The following CSGALNACT1 variants were observed in gnomAD, a reference collection of about 807,000 sequenced individuals.
The protein encoded by CSGALNACT1 is beta4GalNAcT-1.
Under a neutral mutation model 51.0 loss-of-function variants are expected in CSGALNACT1, and 52 were observed. The observed-to-expected ratio is 1.02, with a 90% CI of 0.82 to 1.29. CSGALNACT1 has a LOEUF of 1.29. Among genes scored for constraint, CSGALNACT1 ranks in the 50% most tolerant of loss-of-function variants. The pLI is 0.00. For missense variants in CSGALNACT1, 935 were observed against 679.2 expected (o/e 1.38, Z -4.19); for synonymous variants, 341 against 254.4 (o/e 1.34, Z -3.24).
At chr8:19,599,500 G>GAAAGAAAGAAAGAAAGAAAC (rs2049866634) in intron 2 of CSGALNACT1, among the ~76,000 whole-genome samples, 1 of 123,932 alleles carries the variant, frequency 8.1e-6, no homozygotes, top group Non-Finnish European at 1.7e-5. Flanking sequence ...AAGAAAGAAA[G>GAAAGAAAGAAAGAAAGAAAC]AAAGAAAGAA....
chr8:19,480,446 C>A (rs2071046314), intron 4 of CSGALNACT1, among the ~76,000 whole-genome samples: 1 of 152,154 alleles, frequency 6.6e-6, no homozygotes, highest in Non-Finnish European at 1.5e-5. Context: ...AGGACATGAT[C>A]TTGTGCTTTT....
intron 1 of CSGALNACT1, among the ~76,000 whole-genome samples, chr8:19,620,314 CAAAAAAA>C (rs35145827): frequency 3.1e-5 from 2 of 64,744 alleles, no homozygotes; most frequent in South Asian, 6.6e-4. Flanking sequence ...GACTCTGTCT[CAAAAAAA>C]AAAAAAAAAA....
chr8:19,446,563 C>A (rs1240766518), intron 5 of CSGALNACT1, among the ~76,000 whole-genome samples: 1 of 152,076 alleles, frequency 6.6e-6, no homozygotes, highest in East Asian at 1.9e-4. Context: ...GCTCTCTCAC[C>A]CAGGCAACGG....
intron 1 of CSGALNACT1, among the ~76,000 whole-genome samples, chr8:19,700,851 C>T (rs532620975): frequency 7.2e-5 from 11 of 152,270 alleles, no homozygotes; most frequent in African/African-American, 1.9e-4. Context: ...ATATCATATC[C>T]ATCCTTCCCT....
rs188605125 is a variant in CSGALNACT1, at chr8:19,597,403, C to A, written c.-416+4368G>T. Among the ~76,000 whole-genome samples, 1,004 of 151,216 alleles carry A rather than the reference C, an allele frequency of 6.6e-3. 31 individuals carry two copies. Among genetic ancestry groups the A allele is most frequent in the Admixed American group, 0.06 (907 of 15,168 alleles). Reference sequence around the variant, plus strand: ...CTCAGTCTCCTGGGCTCAAGCAATCCTCCCGCCTTTGCTCCCAAGTAGCTG... The same window carrying A: ...CTCAGTCTCCTGGGCTCAAGCAATCATCCCGCCTTTGCTCCCAAGTAGCTG... On this transcript the variant is annotated intron_variant, in intron 2 of 9. Transcript: ENST00000454498.
At chr8:19,641,711 C>T (rs139974596) in intron 1 of CSGALNACT1, 2 of 152,234 alleles carry the variant, frequency 1.3e-5, no homozygotes, top group African/African-American at 4.8e-5. Context: ...AATGCATTTA[C>T]AAAACACACA....
intron 5 of CSGALNACT1, among the ~76,000 whole-genome samples, chr8:19,440,436 C>G (rs1344521337): frequency 6.6e-6 from 1 of 151,568 alleles, no homozygotes; most frequent in Non-Finnish European, 1.5e-5. Flanking sequence ...TAAATGTAAT[C>G]CAGCATATAA....
At chr8:19,457,692 C>G (rs1377238627) in intron 5 of CSGALNACT1, 1 of 1,315,860 alleles carries the variant, frequency 7.6e-7, no homozygotes. Flanking sequence ...TTAAAACAAG[C>G]TGGTGAAATC....
intron 6 of CSGALNACT1, among the ~76,000 whole-genome samples, chr8:19,422,863 A>G (rs891636863): frequency 1.3e-5 from 2 of 152,332 alleles, no homozygotes; most frequent in African/African-American, 4.8e-5. Flanking sequence ...CTGTTCATCT[A>G]AAGGCACCTG....
At chr8:19,738,994 A>G (rs2064150833) in intron 1 of CSGALNACT1, among the ~76,000 whole-genome samples, 1 of 152,118 alleles carries the variant, frequency 6.6e-6, no homozygotes, top group Non-Finnish European at 1.5e-5. Flanking sequence ...ATCAAACAAA[A>G]AGAGATACTT....
intron 1 of CSGALNACT1, among the ~76,000 whole-genome samples, chr8:19,640,992 C>A (rs2056670877): frequency 1.3e-5 from 2 of 151,888 alleles, no homozygotes; most frequent in Non-Finnish European, 2.9e-5. Context: ...TCAGACTGAT[C>A]CTGTGAGACT....
At chr8:19,404,741 C>T (rs548585269) in exon 10 of CSGALNACT1, 165 of 454,454 alleles carry the variant, frequency 3.6e-4, no homozygotes, top group African/African-American at 3.2e-3. Flanking sequence ...AGAAAGCGGT[C>T]CCTACTTCTG....
chr8:19,746,259 C>A (rs1157006837), intron 1 of CSGALNACT1, among the ~76,000 whole-genome samples: 2 of 152,010 alleles, frequency 1.3e-5, no homozygotes, highest in Non-Finnish European at 2.9e-5. Context: ...ACTGTCTGTT[C>A]ATCTATGTAA....
At chr8:19,414,594 T>TAC (rs10555160) in intron 8 of CSGALNACT1, among the ~76,000 whole-genome samples, 9,048 of 150,682 alleles carry the variant, frequency 0.06, 333 homozygotes, top group Non-Finnish European at 0.089. Flanking sequence ...AACACACACA[T>TAC]ACACACACAC....
chr8:19,603,844 T>C (rs918264538), upstream of CSGALNACT1, among the ~76,000 whole-genome samples: 1 of 152,172 alleles, frequency 6.6e-6, no homozygotes, highest in African/African-American at 2.4e-5. Flanking sequence ...TGAAAACAAA[T>C]AGACTGTCAG....
chr8:19,522,610 G>A (rs1224681147), intron 3 of CSGALNACT1, among the ~76,000 whole-genome samples: 1 of 152,182 alleles, frequency 6.6e-6, no homozygotes, highest in African/African-American at 2.4e-5. Flanking sequence ...ACATGGGGCT[G>A]CAAGCAGCAG....
chr8:19,616,493 T>C (rs989106940), intron 1 of CSGALNACT1, among the ~76,000 whole-genome samples: 1 of 152,188 alleles, frequency 6.6e-6, no homozygotes, highest in Non-Finnish European at 1.5e-5. Flanking sequence ...TGGCTAATAT[T>C]TGATATAGTT....
intron 4 of CSGALNACT1, 73 bp downstream of exon 3, chr8:19,505,128 T>G (rs1485454966): frequency 1.3e-6 from 2 of 1,579,056 alleles, no homozygotes; most frequent in Non-Finnish European, 1.7e-6. Flanking sequence ...CTCCTGGAGC[T>G]GGAACCTGCC....
At chr8:19,590,859 C>T (rs1168032472) in intron 3 of CSGALNACT1, among the ~76,000 whole-genome samples, 1 of 151,926 alleles carries the variant, frequency 6.6e-6, no homozygotes, top group African/African-American at 2.4e-5. Flanking sequence ...CCATGTTGGC[C>T]AGGCTGGTTT....
Sources: gnomAD v4.1 joint callset for allele counts (sites outside exome capture counted in the v4.1 genomes callset) on GRCh38, gnomAD v4.1.1 for gene constraint, MANE v1.5 for transcripts, NCBI Gene and HGNC (gene_info 2026-07-23, HGNC 2026-07-21) for gene names.